Variants in CFLAR observed in about 807,000 individuals in gnomAD.
The protein encoded by CFLAR is CASP8 and FADD-like apoptosis regulator.
CFLAR carries 14 observed loss-of-function variants against 51.1 expected under a neutral mutation model. The observed-to-expected ratio is 0.27, with a 90% confidence interval of 0.18 to 0.43. The LOEUF is 0.43. Among genes scored for constraint, CFLAR ranks in the 20% least tolerant of loss-of-function variants. CFLAR has a pLI of 1.00. For synonymous variants in CFLAR, 210 were observed against 211.6 expected (o/e 0.99, Z 0.06); for missense variants, 390 against 566.5 (o/e 0.69, Z 3.16).
rs2047583834 is a variant in CFLAR, at chr2:201,116,347, A to G, written c.-272A>G. 6.6e-6 allele frequency: 1 copy of G among 152,312 alleles called. No individual in the cohort carries two copies. Among genetic ancestry groups the G allele is most frequent in the Non-Finnish European group, 1.5e-5 (1 of 68,092 alleles). 9.4% of individuals were successfully genotyped at this position (152,312 alleles called of 1,614,324 possible). A position where few individuals can be genotyped will look rare whatever the true frequency, so the allele number is the denominator to read the frequency against. ...GGAGGTGTAGGAGAGAAGCGCCGCG[A>G]ACAGCGATCGCCCAGCACCAAGTCC... On this transcript the variant is annotated 5_prime_UTR_variant, in exon 1 of 10. Coordinates refer to ENST00000309955, the MANE Select transcript of CFLAR (RefSeq NM_003879.7). This position sits in a 1 kb window ranked among gnomAD's most constrained non-coding sequence, Gnocchi z 4.8.
intron 1 of CFLAR, among the ~76,000 whole-genome samples, chr2:201,123,368 A>T (rs2048370027): frequency 6.6e-6 from 1 of 152,180 alleles, no homozygotes; most frequent in Non-Finnish European, 1.5e-5. Context: ...TTTATTTCTC[A>T]CAGTCTGGAG....
At position 201,168,957 on chromosome 2, in the gene CFLAR, A is replaced by G. The variant is rs1270766507; in HGVS notation, c.*4984A>G. ...GAACTACAAACCACTGCTCAAGGAA[A>G]TAAGAGAGGACACAAATGAAAAAAC... is the stretch of plus-strand genomic sequence containing the variant. On this transcript the variant is annotated 3_prime_UTR_variant, in exon 10 of 10. Transcript: ENST00000309955. The G allele has an allele frequency of 6.6e-6, 1 of 152,204 alleles. No individual in the cohort carries two copies. The highest frequency in any genetic ancestry group is 2.4e-5 in the African/African-American group (1 of 41,444). 9.4% of individuals were successfully genotyped at this position (152,204 alleles called of 1,614,324 possible). A position where few individuals can be genotyped will look rare whatever the true frequency, so the allele number is the denominator to read the frequency against.
In CFLAR at chr2:201,120,967, C is replaced by A. The variant is rs145034966; in HGVS notation, c.-138+4486C>A. Among the ~76,000 whole-genome samples, 311 of 152,262 alleles carry A rather than the reference C, an allele frequency of 2.0e-3. 1 individual carries two copies. Among genetic ancestry groups the A allele is most frequent in the African/African-American group, 7.3e-3 (304 of 41,564 alleles). On this transcript the variant is annotated intron_variant, in intron 1 of 9. Coordinates refer to ENST00000309955, the MANE Select transcript of CFLAR (RefSeq NM_003879.7). The stretch of plus-strand genomic sequence containing the variant: ...AAGAGTTAAATGAAAAAAGTAACTC[C>A]TTCAGCATTTACTGAGCACCTGCTG...
intron 5 of CFLAR, 44 bp downstream of exon 5, chr2:201,140,483 T>G: frequency 6.9e-7 from 1 of 1,441,452 alleles, no homozygotes. Flanking sequence ...TGAAACCGTT[T>G]CAGAGTTCTA....
At chr2:201,136,408 G>A (rs1381276057) in intron 4 of CFLAR, 1 of 1,598,390 alleles carries the variant, frequency 6.3e-7, no homozygotes, top group Non-Finnish European at 8.5e-7. Context: ...GGACATTCAG[G>A]GGTTTTGCAT....
At chr2:201,137,705 G>A in intron 4 of CFLAR, 2 of 768,498 alleles carry the variant, frequency 2.6e-6, no homozygotes. Flanking sequence ...ACTTCTGAAT[G>A]GACCCTTTGT....
intron 1 of CFLAR, among the ~76,000 whole-genome samples, chr2:201,120,441 G>A (rs1032163131): frequency 1.3e-5 from 2 of 151,810 alleles, no homozygotes; most frequent in Admixed American, 6.6e-5. Flanking sequence ...TCTTATTCTC[G>A]ATACTGGGTT....
In CFLAR at chr2:201,170,861, G is replaced by C. The variant is rs1185471023; in HGVS notation, c.*6888G>C. On this transcript the variant is annotated 3_prime_UTR_variant, in exon 10 of 10. Transcript: ENST00000309955. ...GCTTTTAGAATTGACTGCATGTTTT[G>C]GTACCATTTAGATATAGTTTAAGAT... 3 of 152,106 alleles carry C rather than the reference G, an allele frequency of 2.0e-5. No individual in the cohort carries two copies. Among genetic ancestry groups the C allele is most frequent in the Non-Finnish European group, 4.4e-5 (3 of 68,010 alleles). 9.4% of individuals were successfully genotyped at this position (152,106 alleles called of 1,614,324 possible). A position where few individuals can be genotyped will look rare whatever the true frequency, so the allele number is the denominator to read the frequency against.
intron 1 of CFLAR, 173 bp from the exon 2 acceptor site, chr2:201,129,556 T>C (rs376102974): frequency 4.9e-6 from 2 of 409,306 alleles, no homozygotes. Flanking sequence ...GATTAGTCTG[T>C]TTTTGGTTCT....
intron 8 of CFLAR, among the ~76,000 whole-genome samples, chr2:201,155,291 C>T (rs1421183255): frequency 3.3e-5 from 5 of 150,282 alleles, no homozygotes; most frequent in African/African-American, 1.2e-4. Flanking sequence ...GAGACAGAGT[C>T]TCGCTCTGTC....
Position 201,165,395 on chromosome 2 carries a change from C to G in CFLAR, c.*1422C>G, listed in dbSNP as rs1048617251. 2.0e-5 allele frequency: 3 copies of G among 151,488 alleles called. No homozygotes were observed. The highest frequency in any genetic ancestry group is 4.4e-5 in the Non-Finnish European group (3 of 67,936). 9.4% of individuals were successfully genotyped at this position (151,488 alleles called of 1,614,324 possible). A position where few individuals can be genotyped will look rare whatever the true frequency, so the allele number is the denominator to read the frequency against. On this transcript the variant is annotated 3_prime_UTR_variant, in exon 10 of 10. Coordinates refer to ENST00000309955, the MANE Select transcript of CFLAR (RefSeq NM_003879.7). ...AAGCGATTCTCCTGCCTCAGCCTCC[C>G]GAGTAGCTGGGATTACAGGCTCCTG... is the stretch of plus-strand genomic sequence containing the variant.
intron 6 of CFLAR, chr2:201,146,657 C>T (rs1466786260): frequency 6.6e-6 from 1 of 152,310 alleles, no homozygotes; most frequent in African/African-American, 2.4e-5. Flanking sequence ...TGATGAGGCA[C>T]ATGGCTGTGG....
chr2:201,140,449 G>A lies in CFLAR; in HGVS notation c.606+10G>A, dbSNP rs1301861166. 1 of 1,580,712 alleles carries A rather than the reference G, an allele frequency of 6.3e-7. No individual in the cohort carries two copies. Among genetic ancestry groups the A allele is most frequent in the South Asian group, 1.2e-5 (1 of 85,190 alleles). ...TTCAAATAACTTCAGGGTGAGTCTG[G>A]AGAAAACATATGGAATCCCAGCATG... On this transcript the variant is annotated intron_variant, in intron 5 of 9. Transcript: ENST00000309955.
chr2:201,132,508 C>G (rs1225821596), intron 2 of CFLAR, among the ~76,000 whole-genome samples: 4 of 151,192 alleles, frequency 2.6e-5, no homozygotes, highest in Non-Finnish European at 4.4e-5. Context: ...GCAAAGACAT[C>G]TAAGTTCAGA....
chr2:201,159,157 T>G (rs1248287014), intron 8 of CFLAR, among the ~76,000 whole-genome samples: 1 of 151,078 alleles, frequency 6.6e-6, no homozygotes, highest in Non-Finnish European at 1.5e-5. Flanking sequence ...GGATTACAGA[T>G]GTGAGCCACT....
intron 3 of CFLAR, among the ~76,000 whole-genome samples, chr2:201,133,478 G>A (rs1306976664): frequency 6.6e-6 from 1 of 152,134 alleles, no homozygotes; most frequent in South Asian, 2.1e-4. Flanking sequence ...AAACAGGAAG[G>A]AGGTGCTAGT....
At position 201,138,598 on chromosome 2, in the gene CFLAR, G is replaced by A; in HGVS notation, c.524-1759G>A. On this transcript the variant is annotated intron_variant, in intron 4 of 9. Transcript: ENST00000309955. The surrounding 1 kb of genome is among the most constrained non-coding windows in gnomAD (Gnocchi z 4.0). The stretch of plus-strand genomic sequence containing the variant: ...TCTCGGGAGGTGACGATGCCCACCA[G>A]CTTGCTGCCCATGGTACCCGTCTCA... The A allele has an allele frequency of 1.9e-6, 3 of 1,590,708 alleles. No individual in the cohort carries two copies. The South Asian group carries it at 3.3e-5, about 18-fold the overall frequency.
intron 1 of CFLAR, among the ~76,000 whole-genome samples, chr2:201,125,990 C>T (rs1168460970): frequency 1.3e-5 from 2 of 151,980 alleles, no homozygotes; most frequent in East Asian, 1.9e-4. Flanking sequence ...GGAAAAAGGC[C>T]AGATAATTGA....
At chr2:201,144,282 A>G (rs1939644723) in intron 5 of CFLAR, 1 of 152,248 alleles carries the variant, frequency 6.6e-6, no homozygotes, top group South Asian at 2.1e-4. Flanking sequence ...TGGTATGTGT[A>G]TCTTACATAG....
Sources: allele counts gnomAD v4.1 joint callset (sites outside exome capture counted in the v4.1 genomes callset), GRCh38; gene constraint gnomAD v4.1.1; non-coding constraint Gnocchi (gnomAD v3.1); transcripts MANE v1.5; gene names NCBI Gene and HGNC (gene_info 2026-07-23, HGNC 2026-07-21).